The following SPATS2L variants were observed in gnomAD, a reference collection of about 807,000 sequenced individuals.
SPATS2L encodes SPATS2-like protein.
A neutral mutation model predicts 59.6 loss-of-function variants in SPATS2L; 30 were observed. The ratio of observed to expected loss-of-function variants is 0.50; its 90% CI spans 0.38 to 0.68. The LOEUF is 0.68. SPATS2L is among the 30% of genes least tolerant of loss of function. The pLI is 0.00. For missense variants in SPATS2L, 615 were observed against 700.0 expected (o/e 0.88, Z 1.37); for synonymous variants, 252 against 263.5 (o/e 0.96, Z 0.42).
chr2:200,342,729 A>G (rs989854519), intron 2 of SPATS2L, among the ~76,000 whole-genome samples: 2 of 152,192 alleles, frequency 1.3e-5, no homozygotes, highest in African/African-American at 4.8e-5. Context: ...GGCTTTTCCA[A>G]GCGGAGTTTG....
rs566625381 is a variant in SPATS2L at position 200,467,516 on chromosome 2, T to C, written c.957+117T>C. 6 of 689,390 alleles carry C rather than the reference T, an allele frequency of 8.7e-6. No homozygotes were observed. In the African/African-American group the frequency reaches 8.9e-5, roughly 10 times the overall value. 42.7% of individuals were successfully genotyped at this position (689,390 alleles called of 1,614,324 possible). On this transcript the variant is annotated intron_variant, in intron 10 of 12. Transcript: ENST00000409140. Reference sequence around the variant, plus strand: ...GATCTAACATGTACACCCAGCTCTCTTCCACAGGGTGGAAATAGAGAACAC... The same window carrying C: ...GATCTAACATGTACACCCAGCTCTCCTCCACAGGGTGGAAATAGAGAACAC...
At chr2:200,454,654 G>A (rs959497388) in intron 8 of SPATS2L, among the ~76,000 whole-genome samples, 5 of 152,056 alleles carry the variant, frequency 3.3e-5, no homozygotes, top group African/African-American at 9.7e-5. Flanking sequence ...GCTTTTTTAT[G>A]GCAACAAAAT....
intron 2 of SPATS2L, among the ~76,000 whole-genome samples, chr2:200,380,855 A>G (rs2081785295): frequency 6.6e-6 from 1 of 152,234 alleles, no homozygotes; most frequent in South Asian, 2.1e-4. Context: ...GTATATTCAT[A>G]TGAAATTCAT....
chr2:200,382,945 A>G (rs1308672858), intron 2 of SPATS2L, among the ~76,000 whole-genome samples: 2 of 152,192 alleles, frequency 1.3e-5, no homozygotes, highest in South Asian at 2.1e-4. Context: ...ATGAGAATCT[A>G]TTTCTTGTGT....
At chr2:200,441,341 A>G (rs2084684716) in intron 8 of SPATS2L, among the ~76,000 whole-genome samples, 2 of 152,150 alleles carry the variant, frequency 1.3e-5, no homozygotes, top group Admixed American at 1.3e-4. Context: ...ATATTTGCTC[A>G]TGTCTACAAT....
intron 2 of SPATS2L, among the ~76,000 whole-genome samples, chr2:200,385,259 C>T (rs2081954464): frequency 6.6e-6 from 1 of 152,208 alleles, no homozygotes; most frequent in Non-Finnish European, 1.5e-5. Context: ...TTAGAGGCTT[C>T]TTGGGCTTAC....
At chr2:200,305,997 C>G, upstream of SPATS2L, 1 of 981,220 alleles carries the variant, frequency 1.0e-6, no homozygotes, top group South Asian at 4.7e-5. Context: ...CAGAAACCCA[C>G]GGCTGAAGCC....
intron 8 of SPATS2L, 61 bp from the exon 9 acceptor site, chr2:200,459,708 T>C (rs2086102036): frequency 1.5e-6 from 2 of 1,297,900 alleles, no homozygotes; most frequent in Non-Finnish European, 2.2e-6. Context: ...TCAGTGCTTA[T>C]TAAAAGTTTA....
chr2:200,463,713 C>G (rs183755328), intron 9 of SPATS2L, among the ~76,000 whole-genome samples: 1 of 152,114 alleles, frequency 6.6e-6, no homozygotes, highest in Admixed American at 6.5e-5. Flanking sequence ...ACTAGAGATA[C>G]GGGAAGAAAA....
chr2:200,436,250 C>T (rs1023317264), intron 6 of SPATS2L, among the ~76,000 whole-genome samples: 1 of 152,128 alleles, frequency 6.6e-6, no homozygotes, highest in Non-Finnish European at 1.5e-5. Context: ...TATAACGCTC[C>T]ACCAGTTTTC....
chr2:200,363,271 A>T (rs1483075485), intron 2 of SPATS2L, among the ~76,000 whole-genome samples: 1 of 142,380 alleles, frequency 7.0e-6, no homozygotes, highest in Non-Finnish European at 1.5e-5. Context: ...CGCTAGGAAA[A>T]AAATCATAAA....
At chr2:200,386,134 T>C (rs1029005568) in intron 2 of SPATS2L, among the ~76,000 whole-genome samples, 20 of 152,170 alleles carry the variant, frequency 1.3e-4, no homozygotes, top group African/African-American at 4.6e-4. Context: ...TACTGTGATG[T>C]GGAGAGGGTA....
At chr2:200,355,261 A>G (rs957762218) in intron 2 of SPATS2L, among the ~76,000 whole-genome samples, 2 of 152,218 alleles carry the variant, frequency 1.3e-5, no homozygotes, top group African/African-American at 4.8e-5. Flanking sequence ...AAGCTGTGCA[A>G]AAGACACAGT....
intron 1 of SPATS2L, among the ~76,000 whole-genome samples, chr2:200,326,592 G>T (rs953341191): frequency 1.3e-5 from 2 of 152,134 alleles, no homozygotes; most frequent in African/African-American, 4.8e-5. Flanking sequence ...TAAAATAATT[G>T]TGGAATCCCT....
intron 1 of SPATS2L, among the ~76,000 whole-genome samples, chr2:200,311,374 A>T (rs2079187424): frequency 6.6e-6 from 1 of 152,188 alleles, no homozygotes; most frequent in Admixed American, 6.5e-5. Context: ...TGGGATAATG[A>T]TGGAGTCTGG....
chr2:200,307,961 CTTAT>C (rs2079082495), intron 1 of SPATS2L, among the ~76,000 whole-genome samples: 1 of 150,550 alleles, frequency 6.6e-6, no homozygotes, highest in African/African-American at 2.4e-5. Context: ...AGTCTCATTG[CTTAT>C]TTTTTGAAAT....
At chr2:200,362,828 G>C (rs1279165242) in intron 2 of SPATS2L, among the ~76,000 whole-genome samples, 1 of 152,204 alleles carries the variant, frequency 6.6e-6, no homozygotes, top group Non-Finnish European at 1.5e-5. Context: ...CTCTGCAGTA[G>C]AAGGTTGGTG....
chr2:200,386,912 C>T (rs2082010441), intron 2 of SPATS2L, among the ~76,000 whole-genome samples: 1 of 152,026 alleles, frequency 6.6e-6, no homozygotes, highest in African/African-American at 2.4e-5. Context: ...TACATGATGC[C>T]GAAACTTTCA....
chr2:200,412,268 A>C (rs1453691220), intron 3 of SPATS2L, 43 bp from the exon 4 acceptor site: 9 of 1,183,316 alleles, frequency 7.6e-6, no homozygotes, highest in Non-Finnish European at 9.4e-6. Context: ...AAAATATTTA[A>C]AGTGTTCACA....
Sources: gnomAD v4.1 joint callset for allele counts (sites outside exome capture counted in the v4.1 genomes callset) on GRCh38, gnomAD v4.1.1 for gene constraint, MANE v1.5 for transcripts, NCBI Gene and HGNC (gene_info 2026-07-23, HGNC 2026-07-21) for gene names.